The following GPHN variants were observed in gnomAD, a reference collection of about 807,000 sequenced individuals.
The protein encoded by GPHN is gephyrin.
A neutral mutation model predicts 95.5 loss-of-function variants in GPHN; 17 were observed. The ratio of observed to expected loss-of-function variants is 0.18; its 90% CI spans 0.12 to 0.27. GPHN has a LOEUF of 0.27. Ranked by LOEUF, GPHN falls within the 10% of genes least tolerant of loss-of-function variation. The probability of loss-of-function intolerance (pLI) is 1.00; values close to 1 mark genes in which losing one functional copy is unlikely to be tolerated. For missense variants in GPHN, 660 were observed against 978.1 expected (o/e 0.67, Z 4.34); for synonymous variants, 320 against 322.5 (o/e 0.99, Z 0.08).
At chr14:67,290,209 A>T in the GPHN span, among the ~76,000 whole-genome samples, 1 of 152,176 alleles carries the variant, frequency 6.6e-6, no homozygotes, top group African/African-American at 2.4e-5. Flanking sequence ...GAAAGAGGGA[A>T]TGGGAGGTAA....
intron 2 of GPHN, among the ~76,000 whole-genome samples, chr14:66,753,501 C>G (rs952785326): frequency 2.2e-5 from 3 of 135,694 alleles, no homozygotes; most frequent in Non-Finnish European, 4.5e-5. Context: ...TATAAAGTTT[C>G]TATTCTGCCA....
chr14:66,816,473 C>A (rs2060971714), intron 3 of GPHN, among the ~76,000 whole-genome samples: 1 of 152,122 alleles, frequency 6.6e-6, no homozygotes. Context: ...ACAGTGCAAT[C>A]AAATTAGAAA....
At chr14:67,258,954 TGCC>T in the GPHN span, among the ~76,000 whole-genome samples, 162 of 152,176 alleles carry the variant, frequency 1.1e-3, no homozygotes, top group African/African-American at 3.7e-3. Context: ...GTGATTTTCC[TGCC>T]TCACCCTCCC....
At chr14:66,859,808 T>C (rs923925442) in intron 4 of GPHN, among the ~76,000 whole-genome samples, 8 of 152,034 alleles carry the variant, frequency 5.3e-5, no homozygotes, top group African/African-American at 1.9e-4. Flanking sequence ...AAACAGAAAT[T>C]CTAGACATGG....
At chr14:67,689,940 G>A in the GPHN span, 16 of 354,528 alleles carry the variant, frequency 4.5e-5, no homozygotes, top group South Asian at 1.0e-4. Flanking sequence ...GCAAGATCCC[G>A]TCTCAAAAAA....
At chr14:67,316,767 T>TAAA in the GPHN span, 2 of 1,282,382 alleles carry the variant, frequency 1.6e-6, no homozygotes, top group East Asian at 2.7e-5. Context: ...CCTTCTTGAT[T>TAAA]AAAAAAAAAA....
the GPHN span, among the ~76,000 whole-genome samples, chr14:67,605,708 A>G: frequency 2.0e-5 from 3 of 152,104 alleles, no homozygotes; most frequent in African/African-American, 4.8e-5. Context: ...TTTTATACAT[A>G]GTCTCGCTTT....
chr14:67,355,666 A>C, the GPHN span, among the ~76,000 whole-genome samples: 1 of 151,944 alleles, frequency 6.6e-6, no homozygotes, highest in Admixed American at 6.6e-5. Flanking sequence ...TCAGGCAGGA[A>C]AAAGAGCTAA....
chr14:66,634,457 G>T (rs2063993708), intron 1 of GPHN, among the ~76,000 whole-genome samples: 1 of 152,256 alleles, frequency 6.6e-6, no homozygotes, highest in East Asian at 1.9e-4. Flanking sequence ...TGGGGAAGGG[G>T]TCATCAGCCA....
intron 2 of GPHN, among the ~76,000 whole-genome samples, chr14:66,724,638 G>A (rs1197145688): frequency 6.6e-6 from 1 of 152,126 alleles, no homozygotes; most frequent in Non-Finnish European, 1.5e-5. Context: ...TATAGGTAGG[G>A]TACCTCTTAC....
intron 4 of GPHN, among the ~76,000 whole-genome samples, chr14:66,873,796 C>G (rs1234934466): frequency 6.6e-6 from 1 of 152,190 alleles, no homozygotes; most frequent in African/African-American, 2.4e-5. Context: ...CTCCCTGGGA[C>G]AGAGCACCTG....
At chr14:67,716,973 T>C in the GPHN span, among the ~76,000 whole-genome samples, 2 of 152,132 alleles carry the variant, frequency 1.3e-5, no homozygotes, top group Non-Finnish European at 2.9e-5. Flanking sequence ...TTTTATCACA[T>C]ATATAAAACA....
chr14:67,527,127 C>T, the GPHN span, among the ~76,000 whole-genome samples: 6 of 152,286 alleles, frequency 3.9e-5, no homozygotes, highest in East Asian at 1.9e-4. Context: ...GAAGGTGCCC[C>T]GCAAGGGAAC....
intron 3 of GPHN, among the ~76,000 whole-genome samples, chr14:66,788,588 A>G (rs999374994): frequency 3.3e-5 from 5 of 152,218 alleles, no homozygotes; most frequent in Admixed American, 2.0e-4. Flanking sequence ...TTGTATACCA[A>G]ATAAACATTT....
intron 5 of GPHN, among the ~76,000 whole-genome samples, chr14:66,897,010 T>C (rs1340703354): frequency 2.0e-5 from 3 of 152,172 alleles, no homozygotes; most frequent in Non-Finnish European, 2.9e-5. Flanking sequence ...AAATTTTATA[T>C]TTATATCTGA....
chr14:67,064,489 A>C (rs1265072636), intron 11 of GPHN, among the ~76,000 whole-genome samples: 1 of 152,012 alleles, frequency 6.6e-6, no homozygotes, highest in Non-Finnish European at 1.5e-5. Context: ...TATTGATTGG[A>C]ATAGTTTCAG....
intron 1 of GPHN, among the ~76,000 whole-genome samples, chr14:66,589,143 A>C (rs2061539330): frequency 6.6e-6 from 1 of 152,230 alleles, no homozygotes; most frequent in Admixed American, 6.5e-5. Flanking sequence ...AAGCTTCATA[A>C]GCAAAGGAGA....
chr14:66,805,677 A>G lies in GPHN; in HGVS notation c.202-18797A>G, dbSNP rs570835685. 2.6e-5 allele frequency among the ~76,000 whole-genome samples: 4 copies of G among 152,292 alleles called. No individual in the cohort carries two copies. The East Asian group carries it at 7.7e-4, about 29-fold the overall frequency. On this transcript the variant is annotated intron_variant, in intron 3 of 22. Coordinates refer to ENST00000478722, the MANE Select transcript of GPHN (RefSeq NM_020806.5). ...AGTCTGAAATCCAGCAAGGCAGTCA[A>G]ATCTTTAAGCTGCAGAATGAACTCC... is the stretch of plus-strand genomic sequence containing the variant.
the GPHN span, among the ~76,000 whole-genome samples, chr14:67,327,844 T>C: frequency 6.6e-6 from 1 of 152,248 alleles, no homozygotes; most frequent in Non-Finnish European, 1.5e-5. Flanking sequence ...CTGCATAGTA[T>C]TCCATGGTGT....
Sources: allele counts gnomAD v4.1 joint callset (sites outside exome capture counted in the v4.1 genomes callset), GRCh38; gene constraint gnomAD v4.1.1; transcripts MANE v1.5; gene names NCBI Gene and HGNC (gene_info 2026-07-23, HGNC 2026-07-21).